POTEJ: variants seen among roughly 807,000 people sequenced by gnomAD.
POTEJ encodes POTE ankyrin domain family, member J.
Under a neutral mutation model 69.0 loss-of-function variants are expected in POTEJ, and 11 were observed. That is an observed-to-expected ratio of 0.16 (90% CI 0.10 to 0.26). The LOEUF (loss-of-function observed/expected upper bound fraction) is 0.26, where lower values mean the gene tolerates loss of function less well. Ranked by LOEUF, POTEJ falls within the 10% of genes least tolerant of loss-of-function variation. The pLI, the probability that POTEJ is intolerant of heterozygous loss-of-function variation, is 1.00. For missense variants in POTEJ, 327 were observed against 1,045.5 expected (o/e 0.31, Z 9.48); for synonymous variants, 117 against 381.1 (o/e 0.31, Z 8.07).
intron 13 of POTEJ, among the ~76,000 whole-genome samples, chr2:130,647,257 C>G (rs1359576160): frequency 6.6e-6 from 1 of 151,236 alleles, no homozygotes; most frequent in Non-Finnish European, 1.5e-5. Flanking sequence ...GTAATATCTG[C>G]TGTGTTGCAA....
chr2:130,634,107 G>A (rs1481771261), intron 9 of POTEJ, among the ~76,000 whole-genome samples: 1 of 152,192 alleles, frequency 6.6e-6, no homozygotes, highest in Non-Finnish European at 1.5e-5. Flanking sequence ...AAGTGAATAA[G>A]CATGGCTGTG....
At chr2:130,615,551 T>G (rs1380198053) in intron 1 of POTEJ, among the ~76,000 whole-genome samples, 2 of 139,198 alleles carry the variant, frequency 1.4e-5, no homozygotes, top group Non-Finnish European at 3.1e-5. Context: ...GGGAGCTAAA[T>G]GGTGAGAACA....
intron 10 of POTEJ, among the ~76,000 whole-genome samples, chr2:130,640,726 T>C (rs1200437773): frequency 6.6e-6 from 1 of 152,132 alleles, no homozygotes; most frequent in Non-Finnish European, 1.5e-5. Flanking sequence ...TCATACCACA[T>C]GCTCATTCCC....
At chr2:130,638,482 G>T (rs1054067878) in intron 9 of POTEJ, 137 bp from the exon 10 acceptor site, 1 of 436,326 alleles carries the variant, frequency 2.3e-6, no homozygotes, top group Non-Finnish European at 4.3e-6. Context: ...TAGAACGTAC[G>T]CATAAGTGGA....
intron 1 of POTEJ, among the ~76,000 whole-genome samples, chr2:130,612,805 A>T (rs1343289566): frequency 2.7e-5 from 4 of 147,534 alleles, no homozygotes; most frequent in Non-Finnish European, 4.5e-5. Context: ...TTTTCTATTT[A>T]TCACTTTTAC....
chr2:130,644,484 T>C (rs1686513237), intron 11 of POTEJ, among the ~76,000 whole-genome samples: 1 of 152,236 alleles, frequency 6.6e-6, no homozygotes, highest in South Asian at 2.1e-4. Flanking sequence ...AATATATATA[T>C]ATATTTTAAT....
intron 10 of POTEJ, among the ~76,000 whole-genome samples, chr2:130,641,636 A>T (rs1180831668): frequency 6.6e-6 from 1 of 151,588 alleles, no homozygotes; most frequent in Admixed American, 6.6e-5. Flanking sequence ...TTTAACCTGG[A>T]CATGAGGAAG....
intron 13 of POTEJ, among the ~76,000 whole-genome samples, chr2:130,650,292 C>T (rs1305055321): frequency 2.0e-5 from 3 of 152,272 alleles, no homozygotes; most frequent in Non-Finnish European, 2.9e-5. Flanking sequence ...TTCTGGCCAT[C>T]CCAACTTTCC....
chr2:130,613,345 T>C lies in POTEJ; in HGVS notation c.410+1403T>C, dbSNP rs1469534940. Among the ~76,000 whole-genome samples the C allele has an allele frequency of 1.7e-4, 23 of 132,018 alleles. No homozygotes were observed. The East Asian group carries it at 5.8e-3, about 34-fold the overall frequency. 86.6% of individuals were successfully genotyped at this position (132,018 alleles called of 152,430 possible). ...ATACATATGTATATATACATATATA[T>C]GTGTGTGTATATATATACATATATA... On this transcript the variant is annotated intron_variant, in intron 1 of 14. Coordinates refer to ENST00000409602, the MANE Select transcript of POTEJ (RefSeq NM_001277083.2).
intron 6 of POTEJ, among the ~76,000 whole-genome samples, chr2:130,625,538 T>C (rs1451371670): frequency 6.6e-6 from 1 of 151,604 alleles, no homozygotes; most frequent in Non-Finnish European, 1.5e-5. Context: ...TGATTTAAGG[T>C]AAGCATGCAG....
At chr2:130,626,654 G>C (rs1271908224) in intron 6 of POTEJ, among the ~76,000 whole-genome samples, 1 of 152,170 alleles carries the variant, frequency 6.6e-6, no homozygotes, top group Non-Finnish European at 1.5e-5. Flanking sequence ...ATTGATGGAA[G>C]GTTCTTTACC....
chr2:130,657,108 C>T lies in POTEJ; in HGVS notation c.2348C>T (p.Thr783Ile), dbSNP rs1687032670. The change falls in exon 15 of 15, where the codon ACC (threonine) becomes ATC (isoleucine). Residue 783 changes from threonine (T) to isoleucine (I), a missense_variant. Physicochemically the swap from Thr to Ile is moderately conservative, Grantham distance 89. Transcript: ENST00000409602. Reference sequence around the variant, plus strand: ...CCCAAGGCCAACCGCGAGAAGATGACCCAGATCATGTTTGAGACCTTCAAC... The same window carrying T: ...CCCAAGGCCAACCGCGAGAAGATGATCCAGATCATGTTTGAGACCTTCAAC... ...LNPKANREKM[T>I]QIMFETFNTP... The T allele has an allele frequency of 1.3e-6, 2 of 1,573,184 alleles. No homozygotes were observed. The highest frequency in any genetic ancestry group is 1.7e-6 in the Non-Finnish European group (2 of 1,151,878).
chr2:130,638,309 C>T (rs1387387587), intron 9 of POTEJ, among the ~76,000 whole-genome samples: 1 of 151,646 alleles, frequency 6.6e-6, no homozygotes, highest in Non-Finnish European at 1.5e-5. Flanking sequence ...TGTTCAAGAG[C>T]AAATAGCTGT....
At chr2:130,649,324 G>A (rs1435988532) in intron 13 of POTEJ, among the ~76,000 whole-genome samples, 1 of 152,208 alleles carries the variant, frequency 6.6e-6, no homozygotes, top group African/African-American at 2.4e-5. Context: ...AACTCTTCCA[G>A]TTGCTCTGCC....
intron 13 of POTEJ, among the ~76,000 whole-genome samples, chr2:130,650,369 C>A (rs1216860232): frequency 6.6e-6 from 1 of 152,232 alleles, no homozygotes; most frequent in Non-Finnish European, 1.5e-5. Context: ...CTCTAACGTA[C>A]TGTGTATTTT....
chr2:130,618,681 A>T (rs1472713743), intron 3 of POTEJ, among the ~76,000 whole-genome samples: 2 of 139,872 alleles, frequency 1.4e-5, no homozygotes, highest in Non-Finnish European at 3.1e-5. Context: ...TAATATGTAA[A>T]TTCTTATGTC....
intron 13 of POTEJ, 55 bp from the exon 14 acceptor site, chr2:130,654,865 TG>T: frequency 3.5e-6 from 2 of 571,552 alleles, no homozygotes; most frequent in Non-Finnish European, 5.9e-6. Context: ...CATCTTGCCC[TG>T]TACATCATTT....
chr2:130,644,453 A>G (rs1443161373), intron 11 of POTEJ, among the ~76,000 whole-genome samples: 2 of 152,128 alleles, frequency 1.3e-5, no homozygotes, highest in Admixed American at 6.5e-5. Context: ...TGGGTGACAG[A>G]GCGAGACTCC....
rs767704790 is a variant in POTEJ at position 130,656,863 on chromosome 2, C to T, written c.2103C>T (p.Pro701=). 15 of 1,588,078 alleles carry T rather than the reference C, an allele frequency of 9.4e-6. 2 individuals are homozygous for T. The highest frequency in any genetic ancestry group is 2.9e-5 in the African/African-American group (2 of 69,554). ...TCTTCCCTTCCATCGTGGGGTGCCC[C>T]AGGCAGCAGGGCATGATGGGGGGCA... ...RAVFPSIVGC[P]RQQGMMGGMH... The change falls in exon 15 of 15, where the codon CCC becomes CCT. Residue 701 remains proline (P), a synonymous_variant. Coordinates refer to ENST00000409602, the MANE Select transcript of POTEJ (RefSeq NM_001277083.2).
Sources: gnomAD v4.1 joint callset for allele counts (sites outside exome capture counted in the v4.1 genomes callset) on GRCh38, gnomAD v4.1.1 for gene constraint, MANE v1.5 for transcripts, NCBI Gene and HGNC (gene_info 2026-07-23, HGNC 2026-07-21) for gene names.